The following HECTD3 variants were observed in gnomAD, a reference collection of about 807,000 sequenced individuals.
HECTD3 encodes E3 ubiquitin-protein ligase HECTD3.
A neutral mutation model predicts 109.3 loss-of-function variants in HECTD3; 72 were observed. The ratio of observed to expected loss-of-function variants is 0.66; its 90% CI spans 0.54 to 0.80. The LOEUF is 0.80. HECTD3 is among the 30% of genes least tolerant of loss of function. The pLI, the probability that HECTD3 is intolerant of heterozygous loss-of-function variation, is 0.00. For missense variants in HECTD3, 1,041 were observed against 1,165.2 expected (o/e 0.89, Z 1.55); for synonymous variants, 481 against 471.8 (o/e 1.02, Z -0.25).
chr1:45,007,277 G>T lies in HECTD3; in HGVS notation c.1504-6C>A. On this transcript the variant is annotated splice_region_variant and splice_polypyrimidine_tract_variant and intron_variant, in intron 10 of 20. Coordinates refer to ENST00000372172, the MANE Select transcript of HECTD3 (RefSeq NM_024602.6). Reference sequence around the variant, plus strand: ...GGCTTGAGGCCTTCATATACCTGGAGGCAAGGAGGAAAGGAGTCATAGGAA... The same window carrying T: ...GGCTTGAGGCCTTCATATACCTGGATGCAAGGAGGAAAGGAGTCATAGGAA... The T allele has an allele frequency of 3.1e-6, 5 of 1,613,090 alleles. No homozygotes were observed. Among genetic ancestry groups the T allele is most frequent in the Non-Finnish European group, 4.2e-6 (5 of 1,179,398 alleles).
At position 45,010,057 on chromosome 1, in the gene HECTD3, G is replaced by C; in HGVS notation, c.688C>G (p.Leu230Val). Reference protein sequence around the residue: ...EDLIHFLYDHLGKEDENLGSV... With the variant: ...EDLIHFLYDHVGKEDENLGSV... ...CCCAGGTTCTCATCCTCCTTGCCCAGGTGGTCATACAAGAAGTGGATCAGG... is the reference window on the plus strand; with the variant it reads ...CCCAGGTTCTCATCCTCCTTGCCCACGTGGTCATACAAGAAGTGGATCAGG... The change falls in exon 4 of 21, where the codon CTG becomes GTG. Residue 230 changes from leucine to valine, a missense_variant. By Grantham distance (32) the Leu-to-Val change is conservative (BLOSUM62 1). Transcript: ENST00000372172. 6.4e-7 allele frequency: 1 copy of C among 1,571,690 alleles called. No individual in the cohort carries two copies. Among genetic ancestry groups the C allele is most frequent in the Non-Finnish European group, 8.7e-7 (1 of 1,155,088 alleles).
intron 4 of HECTD3, 135 bp from the exon 5 acceptor site, chr1:45,009,818 G>C: frequency 9.6e-7 from 1 of 1,046,238 alleles, no homozygotes; most frequent in Non-Finnish European, 1.4e-6. Context: ...ATAGGGGGCC[G>C]CTGGGTATGT....
intron 15 of HECTD3, chr1:45,005,280 G>GGA (rs1644725459): frequency 4.5e-6 from 1 of 219,960 alleles, no homozygotes; most frequent in African/African-American, 2.3e-5. Flanking sequence ...GACCAAACGG[G>GGA]TAAGAACGGA....
At chr1:45,009,709 C>T (rs1320468920) in intron 4 of HECTD3, 26 bp from the exon 5 acceptor site, 1 of 1,535,594 alleles carries the variant, frequency 6.5e-7, no homozygotes, top group Non-Finnish European at 9.0e-7. Flanking sequence ...GACGTGAAGT[C>T]AGCAGTTACC....
At chr1:45,004,199 C>T in intron 17 of HECTD3, 49 bp downstream of exon 17, 1 of 1,614,054 alleles carries the variant, frequency 6.2e-7, no homozygotes, top group Non-Finnish European at 8.5e-7. Context: ...AGCCCCAACC[C>T]CTGTGCTGTG....
At chr1:45,009,096 C>A (rs201943665) in intron 7 of HECTD3, 48 bp downstream of exon 7, 1 of 1,423,464 alleles carries the variant, frequency 7.0e-7, no homozygotes, top group East Asian at 2.3e-5. Flanking sequence ...TGTTTGCCCC[C>A]ATCTCCACGC....
Position 45,003,939 on chromosome 1 carries a change from G to A in HECTD3, c.2348-3C>T, listed in dbSNP as rs1210504340. On this transcript the variant is annotated splice_region_variant and splice_polypyrimidine_tract_variant and intron_variant, in intron 18 of 20. Transcript: ENST00000372172. This position sits in a 1 kb window ranked among gnomAD's most constrained non-coding sequence, Gnocchi z 4.7. ...GCGCAGGAAGCGGCTCCGGTCCTCT[G>A]GAGGGAGAAGGAAATCAGTGCCTGC... 3 of 1,613,262 alleles carry A rather than the reference G, an allele frequency of 1.9e-6. 1 individual carries two copies. The Admixed American group carries it at 5.0e-5, about 27-fold the overall frequency.
At position 45,009,432 on chromosome 1, in the gene HECTD3, C is replaced by T. The variant is rs756449630; in HGVS notation, c.926G>A (p.Arg309Gln). ...DTTDDNFMPK[R>Q]VVVYGGEGDN... The stretch of plus-strand genomic sequence containing the variant: ...CCCTTCACCCCCATAGACCACCACC[C>T]GCTTTGGCATAAAGTTGTCATCTGT... The change falls in exon 6 of 21, where the codon CGG (arginine) becomes CAG (glutamine). Residue 309 changes from arginine to glutamine, a missense_variant. This residue lies in a region of HECTD3 where 472 missense variants were observed against 449.9 expected (regional missense o/e 1.05). Transcript: ENST00000372172. The T allele has an allele frequency of 1.5e-5, 25 of 1,614,068 alleles. No individual in the cohort carries two copies. The highest frequency in any genetic ancestry group is 1.5e-4 in the African/African-American group (11 of 74,932).
Position 45,003,525 on chromosome 1 carries a change from G to A in HECTD3, c.2553C>T (p.Ala851=). The change falls in exon 21 of 21, where the codon GCC becomes GCT. Residue 851 remains alanine, a synonymous_variant. Transcript: ENST00000372172. This position sits in a 1 kb window ranked among gnomAD's most constrained non-coding sequence, Gnocchi z 4.7. ...CCCAAGGGCTCATGTCAGTGTCGAT[G>A]GCCACGCAGTTGTAGGCCGCATAGC... ...KLRYAAYNCV[A]IDTDMSPWEE is the part of the protein sequence containing the mutation. 6.2e-7 allele frequency: 1 copy of A among 1,614,222 alleles called. No individual in the cohort carries two copies. Among genetic ancestry groups the A allele is most frequent in the African/African-American group, 1.3e-5 (1 of 75,066 alleles).
chr1:45,009,682 T>C lies in HECTD3; in HGVS notation c.761A>G (p.Glu254Gly). 6.2e-7 allele frequency: 1 copy of C among 1,611,362 alleles called. No individual in the cohort carries two copies. The highest frequency in any genetic ancestry group is 8.5e-7 in the Non-Finnish European group (1 of 1,177,748). Residue 254 changes from glutamate (E) to glycine (G), a missense_variant and splice_region_variant, in exon 5 of 21, where the codon GAG becomes GGG. Physicochemically the swap from Glu to Gly is moderately conservative, Grantham distance 98 (BLOSUM62 -2). Transcript: ENST00000372172. ...VESIDVSSYT[E>G]EFNVSCLTDS... ...TGTCAGGCAGGACACGTTGAACTCC[T>C]CCTGGGGAGGGGCAGAGACGTGAAG...
chr1:45,010,229 C>T lies in HECTD3; in HGVS notation c.595G>A (p.Ala199Thr), dbSNP rs747261826. The T allele has an allele frequency of 6.2e-7, 1 of 1,614,044 alleles. No individual in the cohort carries two copies. The highest frequency in any genetic ancestry group is 1.1e-5 in the South Asian group (1 of 91,078). Residue 199 changes from alanine (A) to threonine (T), a missense_variant, in exon 3 of 21, where the codon GCA (alanine) becomes ACA (threonine). Coordinates refer to ENST00000372172, the MANE Select transcript of HECTD3 (RefSeq NM_024602.6). ...AGCCTTTGTACAGCTTCTGCGTATG[C>T]CTCTGCCGGCTGAGGTCTCGATCCC... ...RLGSRPQPAEAYAEAVQRLLY... is the reference protein window; with the variant it reads ...RLGSRPQPAETYAEAVQRLLY...
chr1:45,005,001 G>A lies in HECTD3; in HGVS notation c.1936-195C>T, dbSNP rs1386852678. The A allele has an allele frequency of 1.5e-5, 9 of 612,682 alleles. No homozygotes were observed. The East Asian group carries it at 1.9e-4, about 13-fold the overall frequency. The allele number at this position is 612,682 out of a possible 1,614,324, so 38.0% of individuals were successfully genotyped here. A position where few individuals can be genotyped will look rare whatever the true frequency, so the allele number is the denominator to read the frequency against. On this transcript the variant is annotated intron_variant, in intron 15 of 20. Transcript: ENST00000372172. ...CTAACCAGCCTTGGAGGCCAGAGGA[G>A]GCATCCTGTGGAAAATGGTGTCTCA...
Position 45,008,284 on chromosome 1 carries a change from C to T in HECTD3, c.1276G>A (p.Val426Ile), listed in dbSNP as rs1169063656. 14 of 1,613,960 alleles carry T rather than the reference C, an allele frequency of 8.7e-6. No individual in the cohort carries two copies. The highest frequency in any genetic ancestry group is 3.3e-5 in the Admixed American group (2 of 59,996). Residue 426 changes from valine to isoleucine, a missense_variant, in exon 9 of 21, where the codon GTA becomes ATA. Physicochemically the swap from Val to Ile is conservative, Grantham distance 29. Coordinates refer to ENST00000372172, the MANE Select transcript of HECTD3 (RefSeq NM_024602.6). Reference protein sequence around the residue: ...KILDSVLHHLVPAWDHTLGTF... With the variant: ...KILDSVLHHLIPAWDHTLGTF... ...CCCAGTGTGTGGTCCCAGGCAGGTA[C>T]CAGGTGGTGCAGGACACTATCGAGG...
Position 45,011,022 on chromosome 1 carries a change from C to T in HECTD3, c.236G>A (p.Gly79Asp), listed in dbSNP as rs1320035161. Residue 79 changes from glycine (G) to aspartate (D), a missense_variant, in exon 1 of 21, where the codon GGC becomes GAC. Coordinates refer to ENST00000372172, the MANE Select transcript of HECTD3 (RefSeq NM_024602.6). ...CCCGGAGCCGGTACCGGGGGCTGGG[C>T]CTGCGGCGCCCACACGCAGCCCCAG... The part of the protein sequence containing the change: ...EGLGLRVGAA[G>D]PAPGTGSGPL... 2.2e-5 allele frequency: 32 copies of T among 1,423,830 alleles called. No homozygotes were observed. The highest frequency in any genetic ancestry group is 3.2e-5 in the Admixed American group (1 of 31,040). 88.2% of individuals were successfully genotyped at this position (1,423,830 alleles called of 1,614,324 possible).
Position 45,010,076 on chromosome 1 carries a change from G to T in HECTD3, c.669C>A (p.Ile223=), listed in dbSNP as rs201769238. ...TGCCCAGGTGGTCATACAAGAAGTG[G>T]ATCAGGTCCTCGTCGCACTCGTAGG... The part of the protein sequence containing the change: ...TWTYECDEDL[I]HFLYDHLGKE... Residue 223 remains isoleucine, a synonymous_variant, in exon 4 of 21, where the codon ATC becomes ATA. Transcript: ENST00000372172. 1.3e-6 allele frequency: 2 copies of T among 1,584,070 alleles called. No individual in the cohort carries two copies. The highest frequency in any genetic ancestry group is 4.5e-5 in the East Asian group (2 of 44,508).
chr1:45,004,625 G>A lies in HECTD3; in HGVS notation c.2117C>T (p.Ala706Val). ...RSRFIQLVQK[A>V]RLEESKEQVA... ...CTGCTCCTTGCTCTCCTCTAGCCGT[G>A]CCTTCTGGACCAGTTGGATGAAACG... The change falls in exon 16 of 21, where the codon GCA becomes GTA. Residue 706 changes from alanine (A) to valine (V), a missense_variant. Transcript: ENST00000372172. The A allele has an allele frequency of 3.7e-6, 6 of 1,614,146 alleles. No homozygotes were observed. The highest frequency in any genetic ancestry group is 5.1e-6 in the Non-Finnish European group (6 of 1,180,018).
Position 45,008,574 on chromosome 1 carries a change from G to A in HECTD3, c.1200C>T (p.Asp400=). 1 of 1,614,032 alleles carries A rather than the reference G, an allele frequency of 6.2e-7. No homozygotes were observed. The highest frequency in any genetic ancestry group is 8.5e-7 in the Non-Finnish European group (1 of 1,179,946). The change falls in exon 8 of 21, where the codon GAC becomes GAT. Residue 400 remains aspartate (D), a synonymous_variant. Coordinates refer to ENST00000372172, the MANE Select transcript of HECTD3 (RefSeq NM_024602.6). ...CAGCTCTGCGGTACAGTACTTCAGG[G>A]TCGGTGCCTTCTAGGCGTGGATATC... ...LVRYPRLEGT[D]PEVLYRRAVL...
rs1644791389 is a variant in HECTD3 at position 45,011,271 on chromosome 1, A to C, written c.-14T>G. The C allele has an allele frequency of 7.4e-7, 1 of 1,354,704 alleles. No homozygotes were observed. Among genetic ancestry groups the C allele is most frequent in the African/African-American group, 1.5e-5 (1 of 65,004 alleles). The allele number at this position is 1,354,704 out of a possible 1,614,324, so 83.9% of individuals were successfully genotyped here. A position where few individuals can be genotyped will look rare whatever the true frequency, so the allele number is the denominator to read the frequency against. ...AGGACCCGCCATGGCGAAGTGGCGG[A>C]GGTGAGCACCTAGAGGCGACCCTGC... On this transcript the variant is annotated 5_prime_UTR_variant, in exon 1 of 21. Coordinates refer to ENST00000372172, the MANE Select transcript of HECTD3 (RefSeq NM_024602.6).
chr1:45,007,166 G>T lies in HECTD3; in HGVS notation c.1556+53C>A, dbSNP rs1644743577. On this transcript the variant is annotated intron_variant, in intron 11 of 20. Coordinates refer to ENST00000372172, the MANE Select transcript of HECTD3 (RefSeq NM_024602.6). ...TGTGTGTGTGTGTGTGTTTGTGTGT[G>T]TTTGTGTGCACAAACAGGTGTCCCG... is the stretch of plus-strand genomic sequence containing the variant. 192 of 1,473,824 alleles carry T rather than the reference G, an allele frequency of 1.3e-4. No individual in the cohort carries two copies. The South Asian group carries it at 2.1e-3, about 16-fold the overall frequency. The allele number at this position is 1,473,824 out of a possible 1,614,324, so 91.3% of individuals were successfully genotyped here.
Sources: gnomAD v4.1 joint callset for allele counts on GRCh38, gnomAD v4.1.1 for gene constraint, gnomAD v4.1.1 regional missense constraint, Gnocchi (gnomAD v3.1) non-coding constraint, MANE v1.5 for transcripts, NCBI Gene and HGNC (gene_info 2026-07-23, HGNC 2026-07-21) for gene names.